Variants in RSRC1 observed in about 807,000 individuals in gnomAD.
RSRC1 encodes arginine and serine rich coiled-coil 1.
In RSRC1, 39 loss-of-function variants were observed where a neutral mutation model predicts 49.1. The observed-to-expected ratio is 0.79, with a 90% CI of 0.61 to 1.04. RSRC1 has a LOEUF of 1.04. Ranked by LOEUF, RSRC1 falls within the 50% of genes least tolerant of loss-of-function variation. The pLI, the probability that RSRC1 is intolerant of heterozygous loss-of-function variation, is 0.00. For synonymous variants in RSRC1, 143 were observed against 130.8 expected (o/e 1.09, Z -0.63); for missense variants, 388 against 402.4 (o/e 0.96, Z 0.31).
intron 1 of RSRC1, among the ~76,000 whole-genome samples, chr3:158,116,197 C>G (rs2108153256): frequency 6.6e-6 from 1 of 152,202 alleles, no homozygotes; most frequent in East Asian, 1.9e-4. Context: ...TGCTTGCAAG[C>G]TTGAATTTTA....
At chr3:158,235,579 T>A (rs1723193763) in intron 4 of RSRC1, among the ~76,000 whole-genome samples, 1 of 152,184 alleles carries the variant, frequency 6.6e-6, no homozygotes, top group African/African-American at 2.4e-5. Flanking sequence ...TACAAAATGA[T>A]GAGTTCATAT....
chr3:158,335,921 G>A (rs565935426), intron 5 of RSRC1, among the ~76,000 whole-genome samples: 109 of 152,298 alleles, frequency 7.2e-4, no homozygotes, highest in African/African-American at 2.6e-3. Context: ...GGCAATGATA[G>A]TAGAGATTCT....
At chr3:158,291,965 G>T (rs913880147) in intron 4 of RSRC1, among the ~76,000 whole-genome samples, 1 of 152,164 alleles carries the variant, frequency 6.6e-6, no homozygotes, top group African/African-American at 2.4e-5. Flanking sequence ...AATGAAATTT[G>T]TTTGTAACAA....
intron 5 of RSRC1, among the ~76,000 whole-genome samples, chr3:158,320,465 G>A (rs1728698144): frequency 6.6e-6 from 1 of 152,046 alleles, no homozygotes; most frequent in Admixed American, 6.6e-5. Context: ...ATGTAATATT[G>A]TTAAAAATTA....
intron 6 of RSRC1, among the ~76,000 whole-genome samples, chr3:158,378,977 T>C (rs1057225254): frequency 6.6e-6 from 1 of 152,182 alleles, no homozygotes; most frequent in South Asian, 2.1e-4. Context: ...AGTTGATCTA[T>C]CAGCGACTTC....
At chr3:158,239,013 A>G (rs911260536) in intron 4 of RSRC1, among the ~76,000 whole-genome samples, 1 of 152,172 alleles carries the variant, frequency 6.6e-6, no homozygotes, top group East Asian at 1.9e-4. Context: ...ACATAAACAA[A>G]TTTACAAGAA....
intron 4 of RSRC1, among the ~76,000 whole-genome samples, chr3:158,211,267 A>T (rs927608838): frequency 6.6e-6 from 1 of 152,002 alleles, no homozygotes; most frequent in Non-Finnish European, 1.5e-5. Flanking sequence ...ATTCTGACTC[A>T]TTATGCTTTG....
chr3:158,228,405 T>A (rs1722643855), intron 4 of RSRC1, among the ~76,000 whole-genome samples: 1 of 149,938 alleles, frequency 6.7e-6, no homozygotes, highest in Non-Finnish European at 1.5e-5. Context: ...AGGGTAGTAT[T>A]ACCTTTATAA....
intron 3 of RSRC1, among the ~76,000 whole-genome samples, chr3:158,197,699 T>C (rs1395725926): frequency 2.0e-5 from 3 of 152,194 alleles, no homozygotes; most frequent in African/African-American, 7.2e-5. Context: ...ATGTCTTTGT[T>C]CTCGTTGGTT....
intron 5 of RSRC1, among the ~76,000 whole-genome samples, chr3:158,322,406 C>A (rs552078965): frequency 6.6e-6 from 1 of 152,110 alleles, no homozygotes; most frequent in Non-Finnish European, 1.5e-5. Context: ...CCCAGCCCAC[C>A]GCAAACTAAA....
chr3:158,267,860 ATTTT>A (rs368565806), intron 4 of RSRC1, among the ~76,000 whole-genome samples: 12 of 125,044 alleles, frequency 9.6e-5, no homozygotes, highest in East Asian at 2.4e-4. Context: ...TTCCATATCT[ATTTT>A]TTTTTTTTTT....
chr3:158,371,483 A>G (rs954907351), intron 6 of RSRC1, among the ~76,000 whole-genome samples: 24 of 151,754 alleles, frequency 1.6e-4, no homozygotes, highest in African/African-American at 5.8e-4. Context: ...ATGGACTCAT[A>G]ATATGTAGAC....
chr3:158,453,511 G>A (rs1737161840), intron 6 of RSRC1, among the ~76,000 whole-genome samples: 1 of 151,344 alleles, frequency 6.6e-6, no homozygotes, highest in Admixed American at 6.6e-5. Context: ...CTCCCAAGTA[G>A]CTGTGACTTC....
chr3:158,159,454 A>AT (rs1403619046), intron 3 of RSRC1, among the ~76,000 whole-genome samples: 2 of 152,130 alleles, frequency 1.3e-5, no homozygotes, highest in Non-Finnish European at 2.9e-5. Context: ...TTTCACATGC[A>AT]TTTTTTGTTT....
At chr3:158,273,987 A>T (rs1325352310) in intron 4 of RSRC1, among the ~76,000 whole-genome samples, 1 of 152,170 alleles carries the variant, frequency 6.6e-6, no homozygotes, top group African/African-American at 2.4e-5. Flanking sequence ...AAATTTTATC[A>T]TAAACATGGT....
chr3:158,166,940 ATTTT>A lies in RSRC1; in HGVS notation c.321-36127_321-36124del, dbSNP rs1473364367. 3.3e-5 allele frequency among the ~76,000 whole-genome samples: 5 copies of A among 152,082 alleles called. No homozygotes were observed. In the South Asian group the frequency reaches 1.0e-3, roughly 32 times the overall value. Reference sequence around the variant, plus strand: ...CAAACTTAGATTGTATCTTAATAGAATTTTTTTTGTCTTTGGCTATTGGGAAATG... The same window carrying A: ...CAAACTTAGATTGTATCTTAATAGAATTTTGTCTTTGGCTATTGGGAAATG... On this transcript the variant is annotated intron_variant, in intron 3 of 9. Coordinates refer to ENST00000611884, the MANE Select transcript of RSRC1 (RefSeq NM_001271838.2).
At chr3:158,150,100 T>C (rs1717431586) in intron 3 of RSRC1, among the ~76,000 whole-genome samples, 1 of 152,204 alleles carries the variant, frequency 6.6e-6, no homozygotes, top group South Asian at 2.1e-4. Context: ...AATTTTATCA[T>C]TCATTGTAGA....
chr3:158,279,501 A>C (rs766981373), intron 4 of RSRC1, among the ~76,000 whole-genome samples: 1 of 152,220 alleles, frequency 6.6e-6, no homozygotes, highest in African/African-American at 2.4e-5. Flanking sequence ...TAGTTTACTG[A>C]TCCCTGATTT....
intron 3 of RSRC1, among the ~76,000 whole-genome samples, chr3:158,185,545 G>A (rs754272723): frequency 1.3e-5 from 2 of 151,678 alleles, no homozygotes; most frequent in Non-Finnish European, 3.0e-5. Flanking sequence ...ACATCATTTT[G>A]CTTTTAAAAA....
Sources: gnomAD v4.1 joint callset for allele counts (sites outside exome capture counted in the v4.1 genomes callset) on GRCh38, gnomAD v4.1.1 for gene constraint, MANE v1.5 for transcripts, NCBI Gene and HGNC (gene_info 2026-07-23, HGNC 2026-07-21) for gene names.